Variants in ZNF282 observed in about 807,000 individuals in gnomAD.
ZNF282 encodes HTLV-I U5 repressive element-binding protein 1.
ZNF282 carries 30 observed loss-of-function variants against 61.9 expected under a neutral mutation model. That is an observed-to-expected ratio of 0.48 (90% CI 0.36 to 0.66). The LOEUF (loss-of-function observed/expected upper bound fraction) is 0.66. Among genes scored for constraint, ZNF282 ranks in the 30% least tolerant of loss-of-function variants. The probability of loss-of-function intolerance (pLI) is 0.00; values close to 1 mark genes in which losing one functional copy is unlikely to be tolerated. For synonymous variants in ZNF282, 396 were observed against 405.0 expected (o/e 0.98, Z 0.27); for missense variants, 788 against 941.4 (o/e 0.84, Z 2.13).
rs898673479 is a variant in ZNF282, at chr7:149,218,876, T to C, written c.1181-4936T>C. Among the ~76,000 whole-genome samples the C allele has an allele frequency of 1.3e-5, 2 of 152,104 alleles. 1 individual carries two copies. Among genetic ancestry groups the C allele is most frequent in the African/African-American group, 4.8e-5 (2 of 41,418 alleles). ...CAAATCAGAGCTAGCCAAAAGGAGA[T>C]CCATAAGGCTAGGTCTGGGATGGTC... On this transcript the variant is annotated intron_variant, in intron 7 of 7. Transcript: ENST00000610704.
chr7:149,217,530 C>T (rs924664959), intron 7 of ZNF282, among the ~76,000 whole-genome samples: 3 of 152,014 alleles, frequency 2.0e-5, no homozygotes, highest in African/African-American at 7.2e-5. Context: ...CGCCCCTGCA[C>T]TACAGCCTGG....
chr7:149,224,281 G>A lies in ZNF282; in HGVS notation c.1650G>A (p.Glu550=). The A allele has an allele frequency of 6.2e-7, 1 of 1,613,226 alleles. No individual in the cohort carries two copies. Among genetic ancestry groups the A allele is most frequent in the Non-Finnish European group, 8.5e-7 (1 of 1,179,908 alleles). ...HTKERPYECA[E]CEKSFNCHSG... Reference sequence around the variant, plus strand: ...AGGAGCGGCCCTACGAGTGCGCTGAGTGCGAGAAGAGCTTCAACTGCCACT... The same window carrying A: ...AGGAGCGGCCCTACGAGTGCGCTGAATGCGAGAAGAGCTTCAACTGCCACT... The change falls in exon 8 of 8, where the codon GAG becomes GAA. Residue 550 remains glutamate (E), a synonymous_variant. Coordinates refer to ENST00000610704, the MANE Select transcript of ZNF282 (RefSeq NM_003575.4).
intron 1 of ZNF282, among the ~76,000 whole-genome samples, chr7:149,197,138 C>T (rs1053371777): frequency 1.3e-5 from 2 of 152,222 alleles, no homozygotes; most frequent in Admixed American, 1.3e-4. Context: ...CCATAGGTCT[C>T]AGCTCTCAAT....
At chr7:149,196,297 T>C (rs543025602) in intron 1 of ZNF282, among the ~76,000 whole-genome samples, 30 of 152,316 alleles carry the variant, frequency 2.0e-4, no homozygotes, top group Non-Finnish European at 4.0e-4. Context: ...GAGAGATGAC[T>C]TCGGGGTCTT....
In ZNF282 at chr7:149,207,489, A is replaced by G; in HGVS notation, c.832+19A>G. On this transcript the variant is annotated intron_variant, in intron 4 of 7. Coordinates refer to ENST00000610704, the MANE Select transcript of ZNF282 (RefSeq NM_003575.4). Reference sequence around the variant, plus strand: ...GAAGCAGGTGATGGCAGCAGAAGAGAGTGCGGGGTCCAGGGAAGGGCGAGA... The same window carrying G: ...GAAGCAGGTGATGGCAGCAGAAGAGGGTGCGGGGTCCAGGGAAGGGCGAGA... 1 of 1,557,116 alleles carries G rather than the reference A, an allele frequency of 6.4e-7. No individual in the cohort carries two copies. Among genetic ancestry groups the G allele is most frequent in the South Asian group, 1.2e-5 (1 of 84,436 alleles).
intron 2 of ZNF282, among the ~76,000 whole-genome samples, chr7:149,201,065 A>G (rs575883061): frequency 2.0e-5 from 3 of 152,358 alleles, no homozygotes; most frequent in African/African-American, 4.8e-5. Context: ...TAACATGTCC[A>G]AAGTGAACTG....
intron 4 of ZNF282, 133 bp downstream of exon 4, chr7:149,207,603 C>A: frequency 7.4e-7 from 1 of 1,353,564 alleles, no homozygotes; most frequent in Non-Finnish European, 9.9e-7. Flanking sequence ...TCCCAGGGGC[C>A]AGTTCTGCCA....
chr7:149,206,910 G>A (rs1795999892), intron 3 of ZNF282, 88 bp downstream of exon 3: 2 of 1,528,884 alleles, frequency 1.3e-6, no homozygotes, highest in African/African-American at 1.4e-5. Context: ...CGCCTAGGCA[G>A]GTTGTTTCAT....
Position 149,198,364 on chromosome 7 carries a change from C to T in ZNF282, c.197C>T (p.Pro66Leu). Residue 66 changes from proline to leucine, a missense_variant, in exon 2 of 8, where the codon CCA becomes CTA. Physicochemically the swap from Pro to Leu is moderately conservative, Grantham distance 98. Coordinates refer to ENST00000610704, the MANE Select transcript of ZNF282 (RefSeq NM_003575.4). This position sits in a 1 kb window ranked among gnomAD's most constrained non-coding sequence, Gnocchi z 4.3. ...AQEWDMDARR[P>L]MPFQFPPFPD... ...GAATGGGACATGGACGCCCGGCGGCCAATGCCTTTTCAGTTCCCACCCTTT... is the reference window on the plus strand; with the variant it reads ...GAATGGGACATGGACGCCCGGCGGCTAATGCCTTTTCAGTTCCCACCCTTT... 1 of 1,613,222 alleles carries T rather than the reference C, an allele frequency of 6.2e-7. No homozygotes were observed. The highest frequency in any genetic ancestry group is 8.5e-7 in the Non-Finnish European group (1 of 1,179,368).
intron 7 of ZNF282, among the ~76,000 whole-genome samples, chr7:149,216,673 G>A (rs1162222111): frequency 6.6e-6 from 1 of 152,178 alleles, no homozygotes. Flanking sequence ...ATGCTATTAT[G>A]TGGAAGAGTC....
At chr7:149,201,973 C>T (rs376316432) in intron 2 of ZNF282, among the ~76,000 whole-genome samples, 4 of 152,118 alleles carry the variant, frequency 2.6e-5, no homozygotes, top group African/African-American at 4.8e-5. Flanking sequence ...TCTGCATGGC[C>T]GTCCTCGCCA....
chr7:149,211,543 A>G (rs1037459972), intron 5 of ZNF282, among the ~76,000 whole-genome samples: 1 of 152,216 alleles, frequency 6.6e-6, no homozygotes, highest in South Asian at 2.1e-4. Flanking sequence ...ATCTAAAAAT[A>G]TACCTTCATA....
At chr7:149,211,325 C>T (rs1235224177) in intron 5 of ZNF282, among the ~76,000 whole-genome samples, 1 of 152,126 alleles carries the variant, frequency 6.6e-6, no homozygotes, top group Non-Finnish European at 1.5e-5. Flanking sequence ...TTGTGGAGGC[C>T]GGCAAGTCCA....
At chr7:149,212,236 A>G (rs1796095716) in intron 5 of ZNF282, 122 bp from the exon 6 acceptor site, 1 of 651,408 alleles carries the variant, frequency 1.5e-6, no homozygotes, top group African/African-American at 1.9e-5. Flanking sequence ...AGACTTATGT[A>G]ATTGTACCTG....
chr7:149,207,899 A>G (rs1796023509), intron 4 of ZNF282, among the ~76,000 whole-genome samples: 1 of 152,206 alleles, frequency 6.6e-6, no homozygotes, highest in South Asian at 2.1e-4. Flanking sequence ...GTCGGCCGAC[A>G]CATGCGGCTC....
chr7:149,209,673 A>G (rs984094671), intron 4 of ZNF282, among the ~76,000 whole-genome samples: 2 of 152,120 alleles, frequency 1.3e-5, no homozygotes, highest in Non-Finnish European at 2.9e-5. Flanking sequence ...TGACTCATCC[A>G]CTGAGTTGGT....
chr7:149,221,581 A>T (rs936837218), intron 7 of ZNF282, among the ~76,000 whole-genome samples: 1 of 151,950 alleles, frequency 6.6e-6, no homozygotes, highest in African/African-American at 2.4e-5. Context: ...AGAAGCAAAC[A>T]CCCTCAGTGC....
At chr7:149,214,601 G>A (rs1022751256) in intron 7 of ZNF282, among the ~76,000 whole-genome samples, 3 of 152,248 alleles carry the variant, frequency 2.0e-5, no homozygotes, top group East Asian at 3.9e-4. Flanking sequence ...AGGCTGAGGT[G>A]GAAGGATCTC....
chr7:149,216,533 C>G (rs1411970091), intron 7 of ZNF282, among the ~76,000 whole-genome samples: 2 of 152,232 alleles, frequency 1.3e-5, no homozygotes, highest in Non-Finnish European at 2.9e-5. Context: ...AACCTCTGTT[C>G]TTTCTCCCAA....
Sources: allele counts gnomAD v4.1 joint callset (sites outside exome capture counted in the v4.1 genomes callset), GRCh38; gene constraint gnomAD v4.1.1; non-coding constraint Gnocchi (gnomAD v3.1); transcripts MANE v1.5; gene names NCBI Gene and HGNC (gene_info 2026-07-23, HGNC 2026-07-21).